The following LUZP2 variants were observed in gnomAD, a reference collection of about 807,000 sequenced individuals.
The protein encoded by LUZP2 is leucine zipper protein 2.
A neutral mutation model predicts 51.6 loss-of-function variants in LUZP2; 52 were observed. The ratio of observed to expected loss-of-function variants is 1.01; its 90% CI spans 0.81 to 1.27. The LOEUF (loss-of-function observed/expected upper bound fraction) is 1.27, where lower values mean the gene tolerates loss of function less well. LUZP2 is among the 50% of genes most tolerant of loss of function. The pLI is 0.00. For missense variants in LUZP2, 436 were observed against 395.4 expected (o/e 1.10, Z -0.87); for synonymous variants, 154 against 137.3 (o/e 1.12, Z -0.85).
At chr11:24,726,736 C>T (rs1294786099) in intron 1 of LUZP2, among the ~76,000 whole-genome samples, 1 of 151,966 alleles carries the variant, frequency 6.6e-6, no homozygotes, top group Non-Finnish European at 1.5e-5. Context: ...AATATATAGA[C>T]ATGGAAAGTG....
At chr11:24,791,666 A>T (rs1849413929) in intron 5 of LUZP2, among the ~76,000 whole-genome samples, 1 of 152,096 alleles carries the variant, frequency 6.6e-6, no homozygotes, top group African/African-American at 2.4e-5. Context: ...ATTGGCTATC[A>T]AAAAGGGTTA....
At chr11:24,941,614 T>C (rs7112987) in intron 7 of LUZP2, among the ~76,000 whole-genome samples, 11,967 of 152,210 alleles carry the variant, frequency 0.079, 1,538 homozygotes, top group African/African-American at 0.27. Context: ...CTTTGAGTAG[T>C]TTGGGTGGTA....
At position 24,598,055 on chromosome 11, in the gene LUZP2, T is replaced by G. The variant is rs182129034; in HGVS notation, c.62+100750T>G. On this transcript the variant is annotated intron_variant, in intron 1 of 11. Transcript: ENST00000336930. ...GGCAGAGGTTGCGGTGAGCAGAGATTGCGCCATTGCACTCCAGCCTGGGTG... is the reference window on the plus strand; with the variant it reads ...GGCAGAGGTTGCGGTGAGCAGAGATGGCGCCATTGCACTCCAGCCTGGGTG... Among the ~76,000 whole-genome samples, 584 of 150,498 alleles carry G rather than the reference T, an allele frequency of 3.9e-3. 4 individuals are homozygous for G. Among genetic ancestry groups the G allele is most frequent in the African/African-American group, 0.013 (546 of 40,900 alleles).
intron 2 of LUZP2, among the ~76,000 whole-genome samples, chr11:24,731,624 T>C (rs965800379): frequency 6.6e-6 from 1 of 151,772 alleles, no homozygotes; most frequent in Non-Finnish European, 1.5e-5. Context: ...CCTTGTTTTT[T>C]TGTGTGTGTC....
intron 1 of LUZP2, chr11:24,646,522 C>T (rs1213244507): frequency 3.4e-6 from 3 of 894,444 alleles, no homozygotes; most frequent in Non-Finnish European, 2.7e-6. Flanking sequence ...GCCCTGCTTT[C>T]CTAATTAATA....
chr11:24,681,605 A>T (rs1409145277), intron 1 of LUZP2, among the ~76,000 whole-genome samples: 1 of 152,176 alleles, frequency 6.6e-6, no homozygotes, highest in African/African-American at 2.4e-5. Flanking sequence ...GTAGTCTTAA[A>T]TGTATTTTGG....
chr11:24,868,800 T>C (rs935392025), intron 5 of LUZP2, among the ~76,000 whole-genome samples: 1 of 152,090 alleles, frequency 6.6e-6, no homozygotes, highest in Admixed American at 6.6e-5. Flanking sequence ...TGCCTCCAAC[T>C]CTTGCTATAT....
At chr11:24,824,751 T>C (rs1850475289) in intron 5 of LUZP2, among the ~76,000 whole-genome samples, 1 of 152,158 alleles carries the variant, frequency 6.6e-6, no homozygotes, top group South Asian at 2.1e-4. Context: ...AATATGCTTT[T>C]TCTGATATTT....
intron 5 of LUZP2, among the ~76,000 whole-genome samples, chr11:24,824,216 AT>A (rs1292206138): frequency 6.6e-6 from 1 of 151,070 alleles, no homozygotes; most frequent in Non-Finnish European, 1.5e-5. Flanking sequence ...ATACAAAAAA[AT>A]TAGCCGGGCA....
chr11:24,860,049 G>C (rs139760272), intron 5 of LUZP2, among the ~76,000 whole-genome samples: 1 of 152,188 alleles, frequency 6.6e-6, no homozygotes, highest in Admixed American at 6.5e-5. Context: ...CTAACTCCCC[G>C]TGCAGGGGAA....
chr11:24,883,211 C>T (rs953514391), intron 5 of LUZP2, among the ~76,000 whole-genome samples: 10 of 151,818 alleles, frequency 6.6e-5, no homozygotes, highest in African/African-American at 9.7e-5. Flanking sequence ...TGGATACATA[C>T]ATGTGCAGAA....
At chr11:24,602,120 A>ATGTG (rs1853697963) in intron 1 of LUZP2, among the ~76,000 whole-genome samples, 1 of 130,774 alleles carries the variant, frequency 7.6e-6, no homozygotes, top group African/African-American at 3.2e-5. Flanking sequence ...GTATATATGT[A>ATGTG]TATATGTATA....
At chr11:24,575,003 A>T (rs1852596520) in intron 1 of LUZP2, among the ~76,000 whole-genome samples, 1 of 152,158 alleles carries the variant, frequency 6.6e-6, no homozygotes, top group Non-Finnish European at 1.5e-5. Context: ...TGTCTTGGTC[A>T]CTGCTTATAG....
chr11:24,524,887 A>C (rs928170786), intron 1 of LUZP2, among the ~76,000 whole-genome samples: 1 of 151,732 alleles, frequency 6.6e-6, no homozygotes, highest in Non-Finnish European at 1.5e-5. Flanking sequence ...ACTACAGATG[A>C]AATGACAGAA....
intron 1 of LUZP2, among the ~76,000 whole-genome samples, chr11:24,585,085 C>T (rs1318481863): frequency 6.6e-6 from 1 of 152,116 alleles, no homozygotes; most frequent in Non-Finnish European, 1.5e-5. Context: ...TTTCTGTCTT[C>T]AGCACCTACA....
At chr11:24,680,347 C>T (rs1361026071) in intron 1 of LUZP2, among the ~76,000 whole-genome samples, 1 of 152,152 alleles carries the variant, frequency 6.6e-6, no homozygotes, top group Non-Finnish European at 1.5e-5. Context: ...AAGGGTTTTA[C>T]ATTTTTATAA....
intron 9 of LUZP2, among the ~76,000 whole-genome samples, chr11:25,046,319 T>C (rs555891045): frequency 6.6e-6 from 1 of 152,164 alleles, no homozygotes; most frequent in East Asian, 1.9e-4. Context: ...GATACAGATC[T>C]GTTTCAAATA....
intron 1 of LUZP2, among the ~76,000 whole-genome samples, chr11:24,673,754 C>T (rs778856350): frequency 6.6e-6 from 1 of 152,114 alleles, no homozygotes; most frequent in Non-Finnish European, 1.5e-5. Flanking sequence ...ACCAAATGTC[C>T]CCTGTAGGGC....
intron 1 of LUZP2, among the ~76,000 whole-genome samples, chr11:24,551,051 A>G (rs1157657573): frequency 6.6e-6 from 1 of 152,094 alleles, no homozygotes; most frequent in Non-Finnish European, 1.5e-5. Context: ...ATACATTTAG[A>G]AGAGGGGAAA....
Sources: gnomAD v4.1 joint callset for allele counts (sites outside exome capture counted in the v4.1 genomes callset) on GRCh38, gnomAD v4.1.1 for gene constraint, MANE v1.5 for transcripts, NCBI Gene and HGNC (gene_info 2026-07-23, HGNC 2026-07-21) for gene names.